The following EYA3 variants were observed in gnomAD, a reference collection of about 807,000 sequenced individuals.
EYA3 encodes the protein protein phosphatase EYA3.
In EYA3, 39 loss-of-function variants were observed where a neutral mutation model predicts 80.0. The ratio of observed to expected loss-of-function variants is 0.49; its 90% CI spans 0.38 to 0.64. The LOEUF (loss-of-function observed/expected upper bound fraction) is 0.64. EYA3 is among the 30% of genes least tolerant of loss of function. The probability of loss-of-function intolerance (pLI) is 0.00; values close to 1 mark genes in which losing one functional copy is unlikely to be tolerated. For missense variants in EYA3, 523 were observed against 676.1 expected, an observed-to-expected ratio of 0.77 and a Z score of 2.51; for synonymous variants, 206 against 232.8, an observed-to-expected ratio of 0.88 and a Z score of 1.05.
rs56302332 is a variant in EYA3, at chr1:27,971,577, G to C, written c.*2889C>G. ...CCACTGTACTCCAGCCTGGGTGACA[G>C]AGCGAGACTCCATCTCAACAACAAC... On this transcript the variant is annotated 3_prime_UTR_variant, in exon 18 of 18. Coordinates refer to ENST00000373871, the MANE Select transcript of EYA3 (RefSeq NM_001990.4). 32,962 of 133,834 alleles carry C rather than the reference G, an allele frequency of 0.25. 4,020 individuals are homozygous for C. The highest frequency in any genetic ancestry group is 0.27 in the East Asian group (1,212 of 4,438). 8.3% of individuals were successfully genotyped at this position (133,834 alleles called of 1,614,324 possible). A position where few individuals can be genotyped will look rare whatever the true frequency, so the allele number is the denominator to read the frequency against.
intron 1 of EYA3, among the ~76,000 whole-genome samples, chr1:28,061,395 A>C (rs943270070): frequency 3.3e-5 from 5 of 152,220 alleles, no homozygotes; most frequent in Non-Finnish European, 7.3e-5. Flanking sequence ...ATCAATGTTT[A>C]AAACTTTTAT....
chr1:27,990,533 CAAGAT>C (rs970850879), intron 14 of EYA3: 5 of 147,466 alleles, frequency 3.4e-5, no homozygotes, highest in African/African-American at 1.3e-4. Flanking sequence ...TTCTTGGTGT[CAAGAT>C]AAGACCAGTT....
chr1:28,053,533 C>T (rs1220491774), intron 2 of EYA3, among the ~76,000 whole-genome samples: 1 of 152,116 alleles, frequency 6.6e-6, no homozygotes, highest in Non-Finnish European at 1.5e-5. Flanking sequence ...AGAGTTAATT[C>T]ACTGCGTGTC....
intron 1 of EYA3, among the ~76,000 whole-genome samples, chr1:28,083,393 G>A (rs368233230): frequency 1.1e-4 from 16 of 152,026 alleles, no homozygotes; most frequent in African/African-American, 2.4e-5. Flanking sequence ...GGTGGCACAC[G>A]CCTGTAATCC....
intron 6 of EYA3, among the ~76,000 whole-genome samples, chr1:28,031,712 T>C (rs138037706): frequency 6.6e-6 from 1 of 152,344 alleles, no homozygotes; most frequent in Admixed American, 6.5e-5. Flanking sequence ...TTTTGGCTTG[T>C]TGATTCAGCA....
intron 3 of EYA3, among the ~76,000 whole-genome samples, chr1:28,048,137 T>C (rs1644096843): frequency 6.6e-6 from 1 of 152,190 alleles, no homozygotes; most frequent in Non-Finnish European, 1.5e-5. Flanking sequence ...GTGCCTGATA[T>C]ACAACATGAG....
intron 5 of EYA3, 124 bp downstream of exon 5, chr1:28,038,715 A>G: frequency 1.9e-6 from 1 of 524,970 alleles, no homozygotes. Context: ...AATTGGAATG[A>G]CGATAGAATA....
At chr1:28,047,962 G>A (rs1644088125) in intron 3 of EYA3, among the ~76,000 whole-genome samples, 1 of 152,142 alleles carries the variant, frequency 6.6e-6, no homozygotes, top group Non-Finnish European at 1.5e-5. Flanking sequence ...TTCTATAAGA[G>A]GAGTGGGGTT....
At chr1:28,015,891 G>A (rs1453943674) in intron 8 of EYA3, among the ~76,000 whole-genome samples, 2 of 152,034 alleles carry the variant, frequency 1.3e-5, no homozygotes, top group Non-Finnish European at 2.9e-5. Context: ...AGGGAAAAGT[G>A]GTTTTACTTC....
chr1:27,995,917 G>A (rs992709144), intron 13 of EYA3, among the ~76,000 whole-genome samples: 1 of 152,180 alleles, frequency 6.6e-6, no homozygotes, highest in African/African-American at 2.4e-5. Context: ...CTGTCACCCA[G>A]GTTGGAGTGC....
At chr1:28,075,346 G>A (rs983091546) in intron 1 of EYA3, among the ~76,000 whole-genome samples, 2 of 152,172 alleles carry the variant, frequency 1.3e-5, no homozygotes, top group Non-Finnish European at 2.9e-5. Flanking sequence ...CACTCAAGAT[G>A]GTGAGCACTC....
At chr1:28,027,673 C>T in intron 7 of EYA3, 116 bp downstream of exon 7, 1 of 1,350,244 alleles carries the variant, frequency 7.4e-7, no homozygotes, top group Non-Finnish European at 1.0e-6. Context: ...CCCCTTTCTA[C>T]TTTAGAAGAC....
At chr1:28,030,445 G>A (rs1199453532) in intron 6 of EYA3, among the ~76,000 whole-genome samples, 2 of 151,872 alleles carry the variant, frequency 1.3e-5, no homozygotes, top group Admixed American at 6.6e-5. Flanking sequence ...GGCACACTAC[G>A]CCTGGCTACT....
intron 1 of EYA3, among the ~76,000 whole-genome samples, chr1:28,069,387 T>C: frequency 6.6e-6 from 1 of 151,312 alleles, no homozygotes; most frequent in Non-Finnish European, 1.5e-5. Context: ...GGGATTACAG[T>C]CATGAGCCAC....
At chr1:28,036,408 C>A (rs1175686333) in intron 5 of EYA3, among the ~76,000 whole-genome samples, 1 of 152,116 alleles carries the variant, frequency 6.6e-6, no homozygotes, top group East Asian at 1.9e-4. Context: ...GCCCCTTGAA[C>A]CAAACTAAAG....
intron 12 of EYA3, among the ~76,000 whole-genome samples, chr1:27,999,437 C>T (rs980407342): frequency 1.1e-4 from 17 of 152,008 alleles, no homozygotes; most frequent in Non-Finnish European, 2.2e-4. Flanking sequence ...TTTTCTGGCA[C>T]CTAACTATAA....
At chr1:28,055,629 C>T (rs1644412267) in intron 2 of EYA3, among the ~76,000 whole-genome samples, 1 of 152,012 alleles carries the variant, frequency 6.6e-6, no homozygotes, top group South Asian at 2.1e-4. Flanking sequence ...TGCCACCACA[C>T]CTGGCTAATT....
chr1:27,990,428 C>G (rs574872320), intron 14 of EYA3: 1 of 152,520 alleles, frequency 6.6e-6, no homozygotes, highest in South Asian at 2.1e-4. Context: ...CTATGGGGTG[C>G]CCCTAGCATG....
At chr1:28,073,127 A>ATATATATATATATATTTTTTTTT (rs1553157671) in intron 1 of EYA3, among the ~76,000 whole-genome samples, 1 of 14,998 alleles carries the variant, frequency 6.7e-5, no homozygotes, top group African/African-American at 3.2e-4. Context: ...ATATATATAT[A>ATATATATATATATATTTTTTTTT]TTTTTTTTTT....
Sources: allele counts gnomAD v4.1 joint callset (sites outside exome capture counted in the v4.1 genomes callset), GRCh38; gene constraint gnomAD v4.1.1; transcripts MANE v1.5; gene names NCBI Gene and HGNC (gene_info 2026-07-23, HGNC 2026-07-21).